The following FCHSD2 variants were observed in gnomAD, a reference collection of about 807,000 sequenced individuals.
FCHSD2 encodes the protein FCH and double SH3 domains 2, also known as F-BAR and double SH3 domains protein 2.
FCHSD2 carries 38 observed loss-of-function variants against 108.1 expected under a neutral mutation model. That is an observed-to-expected ratio of 0.35 (90% CI 0.27 to 0.46). FCHSD2 has a LOEUF of 0.46. Ranked by LOEUF, FCHSD2 falls within the 20% of genes least tolerant of loss-of-function variation. The pLI is 1.00. For synonymous variants in FCHSD2, 279 were observed against 314.7 expected (o/e 0.89, Z 1.20); for missense variants, 751 against 897.8 (o/e 0.84, Z 2.09).
chr11:73,100,703 T>C (rs1181467535), intron 2 of FCHSD2, among the ~76,000 whole-genome samples: 1 of 152,058 alleles, frequency 6.6e-6, no homozygotes, highest in Non-Finnish European at 1.5e-5. Flanking sequence ...AGTCCTTAGG[T>C]AGGCAGAAAT....
chr11:72,948,730 A>T (rs1324263883), intron 8 of FCHSD2, among the ~76,000 whole-genome samples: 1 of 151,892 alleles, frequency 6.6e-6, no homozygotes, highest in Non-Finnish European at 1.5e-5. Context: ...CAGTGGCACA[A>T]TCTCGGCTCA....
At chr11:73,094,833 C>T (rs1860039050) in intron 2 of FCHSD2, among the ~76,000 whole-genome samples, 1 of 152,100 alleles carries the variant, frequency 6.6e-6, no homozygotes, top group African/African-American at 2.4e-5. Context: ...TGCAATAGCA[C>T]TAAAATGATG....
At chr11:73,093,761 C>T (rs754927233) in intron 2 of FCHSD2, among the ~76,000 whole-genome samples, 23 of 152,058 alleles carry the variant, frequency 1.5e-4, no homozygotes, top group Non-Finnish European at 1.5e-4. Flanking sequence ...ACCACCATGC[C>T]GAGCTAATTT....
At chr11:72,950,904 G>A (rs1024326565) in intron 8 of FCHSD2, among the ~76,000 whole-genome samples, 58 of 152,160 alleles carry the variant, frequency 3.8e-4, no homozygotes, top group African/African-American at 1.3e-3. Context: ...GATTGACCAC[G>A]TGACTAATTC....
chr11:73,033,167 A>G (rs1858405267), intron 3 of FCHSD2, among the ~76,000 whole-genome samples: 1 of 151,950 alleles, frequency 6.6e-6, no homozygotes, highest in Non-Finnish European at 1.5e-5. Context: ...GGGCACCTGT[A>G]GTTCCAGCTA....
Position 73,142,097 on chromosome 11 carries a change from T to G in FCHSD2, c.-220A>C. The G allele has an allele frequency of 8.9e-6, 4 of 447,716 alleles. No individual in the cohort carries two copies. The highest frequency in any genetic ancestry group is 4.2e-5 in the East Asian group (1 of 23,988). 27.7% of individuals were successfully genotyped at this position (447,716 alleles called of 1,614,324 possible). ...GACGAGGGAGGAGCACCGGGAAGGC[T>G]TGGGGCCCGGGCGGCCCGGGCGGCC... On this transcript the variant is annotated 5_prime_UTR_variant, in exon 1 of 20. Coordinates refer to ENST00000409418, the MANE Select transcript of FCHSD2 (RefSeq NM_014824.3).
intron 8 of FCHSD2, among the ~76,000 whole-genome samples, chr11:72,980,679 A>G (rs892634244): frequency 1.5e-3 from 122 of 80,860 alleles, no homozygotes; most frequent in South Asian, 4.4e-3. Flanking sequence ...GTGTGTGTAT[A>G]TATATATATA....
At chr11:72,976,511 C>T (rs1047363563) in intron 8 of FCHSD2, among the ~76,000 whole-genome samples, 10 of 152,044 alleles carry the variant, frequency 6.6e-5, no homozygotes, top group Admixed American at 5.9e-4. Context: ...AACGCTTGGA[C>T]TCAAGTGATC....
chr11:72,994,176 T>C (rs1239540812), intron 5 of FCHSD2, among the ~76,000 whole-genome samples: 1 of 152,202 alleles, frequency 6.6e-6, no homozygotes, highest in Non-Finnish European at 1.5e-5. Context: ...TTATTTCCAT[T>C]AATGCTAGAT....
In FCHSD2 at chr11:72,842,663, T is replaced by C; in HGVS notation, c.1884A>G (p.Ser628=). 1.9e-6 allele frequency: 3 copies of C among 1,614,038 alleles called. No homozygotes were observed. The highest frequency in any genetic ancestry group is 2.5e-6 in the Non-Finnish European group (3 of 1,179,896). The part of the protein sequence containing the change: ...VFPSVLVEEL[S]ASENGDTPWM... ...ATGGAGTGTCACCATTTTCTGAGGC[T>C]GAAAGTTCTTCCACTAGCACCGATG... is the stretch of plus-strand genomic sequence containing the variant. The change falls in exon 17 of 20, where the codon TCA becomes TCG. Residue 628 remains serine (S), a synonymous_variant. Coordinates refer to ENST00000409418, the MANE Select transcript of FCHSD2 (RefSeq NM_014824.3).
At chr11:72,872,093 A>G (rs751284265) in intron 12 of FCHSD2, among the ~76,000 whole-genome samples, 2 of 152,080 alleles carry the variant, frequency 1.3e-5, no homozygotes, top group African/African-American at 2.4e-5. Flanking sequence ...AAAGTATACA[A>G]TACAATGGTT....
At chr11:72,879,322 T>C (rs1370536870) in intron 12 of FCHSD2, among the ~76,000 whole-genome samples, 1 of 152,106 alleles carries the variant, frequency 6.6e-6, no homozygotes, top group Non-Finnish European at 1.5e-5. Context: ...AACTCAATAG[T>C]CTTTATAAGA....
chr11:72,905,908 T>C (rs1281266688), intron 9 of FCHSD2, among the ~76,000 whole-genome samples: 3 of 152,212 alleles, frequency 2.0e-5, no homozygotes, highest in Non-Finnish European at 4.4e-5. Flanking sequence ...TATGTGTGCA[T>C]GTGTCTTTAT....
intron 2 of FCHSD2, 98 bp downstream of exon 2, chr11:73,139,933 C>A: frequency 1.6e-6 from 1 of 644,298 alleles, no homozygotes; most frequent in Non-Finnish European, 2.6e-6. Context: ...GCAGGAAATC[C>A]AAAAGGAAAT....
At chr11:73,105,930 A>G (rs1296885990) in intron 2 of FCHSD2, among the ~76,000 whole-genome samples, 1 of 152,234 alleles carries the variant, frequency 6.6e-6, no homozygotes, top group Non-Finnish European at 1.5e-5. Flanking sequence ...AGATACCTAT[A>G]GAAGATACCT....
chr11:73,113,439 G>C (rs1860537932), intron 2 of FCHSD2, among the ~76,000 whole-genome samples: 1 of 133,196 alleles, frequency 7.5e-6, no homozygotes, highest in South Asian at 2.4e-4. Flanking sequence ...TGTGATCTTG[G>C]CTCACTGCAA....
chr11:72,996,013 G>A (rs1857513137), intron 5 of FCHSD2, among the ~76,000 whole-genome samples: 1 of 151,958 alleles, frequency 6.6e-6, no homozygotes, highest in African/African-American at 2.4e-5. Flanking sequence ...TAAACATAAA[G>A]GTTATGTAGA....
intron 13 of FCHSD2, among the ~76,000 whole-genome samples, chr11:72,867,296 A>G (rs868152225): frequency 6.6e-6 from 1 of 152,206 alleles, no homozygotes; most frequent in South Asian, 2.1e-4. Context: ...GTTGAACCAG[A>G]TGACATCAGA....
chr11:73,106,781 G>T (rs1288412754), intron 2 of FCHSD2, among the ~76,000 whole-genome samples: 1 of 152,094 alleles, frequency 6.6e-6, no homozygotes, highest in Non-Finnish European at 1.5e-5. Flanking sequence ...GTAACATGCT[G>T]GACAGGTTTG....
Sources: allele counts gnomAD v4.1 joint callset (sites outside exome capture counted in the v4.1 genomes callset), GRCh38; gene constraint gnomAD v4.1.1; transcripts MANE v1.5; gene names NCBI Gene and HGNC (gene_info 2026-07-23, HGNC 2026-07-21).